The following MYO1E variants were observed in gnomAD, a reference collection of about 807,000 sequenced individuals.
The protein encoded by MYO1E is myosin IE, also known as unconventional myosin-Ie.
In MYO1E, 68 loss-of-function variants were observed where a neutral mutation model predicts 151.1. That is an observed-to-expected ratio of 0.45 (90% CI 0.37 to 0.55). MYO1E has a LOEUF of 0.55. Among genes scored for constraint, MYO1E ranks in the 20% least tolerant of loss-of-function variants. The pLI, the probability that MYO1E is intolerant of heterozygous loss-of-function variation, is 0.00. For missense variants in MYO1E, 1,363 were observed against 1,389.3 expected (o/e 0.98, Z 0.30); for synonymous variants, 601 against 501.7 (o/e 1.20, Z -2.64).
intron 1 of MYO1E, among the ~76,000 whole-genome samples, chr15:59,322,072 G>A (rs1445997464): frequency 6.6e-6 from 1 of 151,716 alleles, no homozygotes; most frequent in East Asian, 1.9e-4. Context: ...CTACTTGGAA[G>A]GCTGAGGCAG....
intron 1 of MYO1E, among the ~76,000 whole-genome samples, chr15:59,296,975 G>T (rs1210819513): frequency 2.4e-5 from 3 of 127,490 alleles, no homozygotes; most frequent in Non-Finnish European, 5.1e-5. Flanking sequence ...GAGTAGGTGG[G>T]ACTACAGGCG....
At chr15:59,297,046 G>T (rs1474195760) in intron 1 of MYO1E, among the ~76,000 whole-genome samples, 1 of 88,002 alleles carries the variant, frequency 1.1e-5, no homozygotes. Context: ...TAGAGACAGA[G>T]TTTCACTGTG....
rs1448403951 is a variant in MYO1E, at chr15:59,133,335, G to A, written c.*4045C>T. On this transcript the variant is annotated 3_prime_UTR_variant, in exon 28 of 28. Transcript: ENST00000288235. ...TGCAGTAAGGCATGATCGCACCACT[G>A]TTCTCTAGTCTGGGTGACAAAGTGA... 1 of 152,174 alleles carries A rather than the reference G, an allele frequency of 6.6e-6. No homozygotes were observed. Among genetic ancestry groups the A allele is most frequent in the Non-Finnish European group, 1.5e-5 (1 of 68,054 alleles). 9.4% of individuals were successfully genotyped at this position (152,174 alleles called of 1,614,324 possible). A position where few individuals can be genotyped will look rare whatever the true frequency, so the allele number is the denominator to read the frequency against.
chr15:59,183,496 G>C (rs1230593194), intron 18 of MYO1E, among the ~76,000 whole-genome samples: 1 of 151,928 alleles, frequency 6.6e-6, no homozygotes, highest in Non-Finnish European at 1.5e-5. Flanking sequence ...CACTGCACCT[G>C]GACTGATAAG....
intron 13 of MYO1E, among the ~76,000 whole-genome samples, chr15:59,209,815 C>CTTTTTTTTTT (rs71119441): frequency 0.01 from 504 of 49,888 alleles, 50 homozygotes; most frequent in South Asian, 0.019. Flanking sequence ...TTTGAATCAC[C>CTTTTTTTTTT]TTTTTTTTTT....
At chr15:59,270,553 A>AG (rs1299327706) in intron 2 of MYO1E, among the ~76,000 whole-genome samples, 2 of 151,762 alleles carry the variant, frequency 1.3e-5, no homozygotes, top group East Asian at 3.9e-4. Context: ...AAAAAAAAAA[A>AG]AAAAAAGAAA....
At chr15:59,299,842 A>T (rs2080471582) in intron 1 of MYO1E, among the ~76,000 whole-genome samples, 1 of 152,204 alleles carries the variant, frequency 6.6e-6, no homozygotes, top group South Asian at 2.1e-4. Flanking sequence ...ATCATCATTT[A>T]TGCCATTTAA....
Position 59,165,259 on chromosome 15 carries a change from T to TGGGGC in MYO1E, c.2481-1961_2481-1957dup, listed in dbSNP as rs2079557533. On this transcript the variant is annotated intron_variant, in intron 22 of 27. Coordinates refer to ENST00000288235, the MANE Select transcript of MYO1E (RefSeq NM_004998.4). ...TGGCAGTACGCGCAAACCATGGGGG[T>TGGGGC]GGGGCGGGGCGGTGAATGGAGTTCA... Among the ~76,000 whole-genome samples, 3 of 151,722 alleles carry TGGGGC rather than the reference T, an allele frequency of 2.0e-5. No homozygotes were observed. The South Asian group carries it at 6.3e-4, about 32-fold the overall frequency.
At position 59,262,790 on chromosome 15, in the gene MYO1E, TG is replaced by T. The variant is rs138376672; in HGVS notation, c.148-1282del. 4.0e-3 allele frequency among the ~76,000 whole-genome samples: 607 copies of T among 152,324 alleles called. 6 individuals are homozygous for T. The highest frequency in any genetic ancestry group is 0.014 in the African/African-American group (569 of 41,574). ...CCTCTCAGAGAGGCTATGCTTATGC[TG>T]GGCCTTAAAAATTTTACACATTTTA... On this transcript the variant is annotated intron_variant, in intron 2 of 27. Transcript: ENST00000288235.
chr15:59,174,281 C>A, intron 19 of MYO1E, 41 bp from the exon 20 acceptor site: 1 of 1,417,342 alleles, frequency 7.1e-7, no homozygotes. Context: ...AAGCCCCAAG[C>A]CCCAATCCCT....
chr15:59,151,118 TC>T (rs1333562992), intron 26 of MYO1E, among the ~76,000 whole-genome samples: 1 of 151,924 alleles, frequency 6.6e-6, no homozygotes, highest in African/African-American at 2.4e-5. Flanking sequence ...CTGATGGCTG[TC>T]TGTGTGATAA....
chr15:59,150,020 C>G (rs1190629623), intron 26 of MYO1E, among the ~76,000 whole-genome samples: 8 of 152,218 alleles, frequency 5.3e-5, no homozygotes, highest in African/African-American at 1.9e-4. Flanking sequence ...CATCCAAAGT[C>G]TCTGGCCACA....
chr15:59,187,150 T>C (rs1435003337), intron 18 of MYO1E, among the ~76,000 whole-genome samples: 1 of 152,256 alleles, frequency 6.6e-6, no homozygotes, highest in South Asian at 2.1e-4. Flanking sequence ...CTTGCACTTA[T>C]GTGTTACACT....
At chr15:59,171,277 G>A (rs374375535) in intron 22 of MYO1E, 1 of 160,754 alleles carries the variant, frequency 6.2e-6, no homozygotes, top group Non-Finnish European at 1.4e-5. Flanking sequence ...TGACGGAGGA[G>A]ATGCTGACGG....
chr15:59,139,102 C>T (rs1416984224), intron 26 of MYO1E, among the ~76,000 whole-genome samples: 1 of 152,036 alleles, frequency 6.6e-6, no homozygotes, highest in Non-Finnish European at 1.5e-5. Context: ...ATGAGATTTG[C>T]TCCCCATTCA....
intron 1 of MYO1E, among the ~76,000 whole-genome samples, chr15:59,277,564 A>AACAACAACAAC (rs1567000054): frequency 7.9e-5 from 11 of 139,848 alleles, no homozygotes; most frequent in African/African-American, 1.9e-4. Context: ...AAAAAAAAAA[A>AACAACAACAAC]AAAAAAAAAC....
At chr15:59,252,637 C>G (rs1257016964) in intron 4 of MYO1E, among the ~76,000 whole-genome samples, 19 of 152,124 alleles carry the variant, frequency 1.2e-4, no homozygotes, top group Admixed American at 1.2e-3. Context: ...ACTGCTTGAA[C>G]CCAGGAGGCG....
intron 26 of MYO1E, among the ~76,000 whole-genome samples, chr15:59,138,848 G>A (rs1353352562): frequency 6.6e-6 from 1 of 152,056 alleles, no homozygotes; most frequent in African/African-American, 2.4e-5. Flanking sequence ...TGCCACACAT[G>A]TAAATACCCC....
intron 1 of MYO1E, among the ~76,000 whole-genome samples, chr15:59,354,134 C>A (rs2080840605): frequency 6.6e-6 from 1 of 152,108 alleles, no homozygotes; most frequent in Admixed American, 6.5e-5. Context: ...AGGGAAATGA[C>A]AATACAGTTG....
Sources: allele counts gnomAD v4.1 joint callset (sites outside exome capture counted in the v4.1 genomes callset), GRCh38; gene constraint gnomAD v4.1.1; transcripts MANE v1.5; gene names NCBI Gene and HGNC (gene_info 2026-07-23, HGNC 2026-07-21).